FRZB: variants seen among roughly 807,000 people sequenced by gnomAD.
The protein encoded by FRZB is secreted frizzled-related protein 3.
Under a neutral mutation model 32.5 loss-of-function variants are expected in FRZB, and 34 were observed. The ratio of observed to expected loss-of-function variants is 1.05; its 90% CI spans 0.80 to 1.39. The LOEUF (loss-of-function observed/expected upper bound fraction) is 1.39, where lower values mean the gene tolerates loss of function less well. FRZB is among the 40% of genes most tolerant of loss of function. FRZB has a pLI of 0.00. For synonymous variants in FRZB, 170 were observed against 159.2 expected (o/e 1.07, Z -0.51); for missense variants, 423 against 424.8 (o/e 1.00, Z 0.04).
chr2:182,844,563 T>C (rs1695620659), intron 2 of FRZB, among the ~76,000 whole-genome samples: 1 of 152,196 alleles, frequency 6.6e-6, no homozygotes, highest in Non-Finnish European at 1.5e-5. Context: ...AAATTACACA[T>C]TTGTAATTCT....
intron 2 of FRZB, among the ~76,000 whole-genome samples, chr2:182,849,797 A>C (rs73040077): frequency 6.6e-6 from 1 of 152,230 alleles, no homozygotes; most frequent in South Asian, 2.1e-4. Flanking sequence ...GAAAATTTCA[A>C]ATAAACTGCC....
rs977930442 is a variant in FRZB, at chr2:182,846,725, T to G, written c.527-4182A>C. On this transcript the variant is annotated intron_variant, in intron 2 of 5. Coordinates refer to ENST00000295113, the MANE Select transcript of FRZB (RefSeq NM_001463.4). ...TTTAAAAGATATAAAAAATAAAATTTTATAATTTGAAGATCCAGGTCCTTA... is the reference window on the plus strand; with the variant it reads ...TTTAAAAGATATAAAAAATAAAATTGTATAATTTGAAGATCCAGGTCCTTA... Among the ~76,000 whole-genome samples, 3 of 152,320 alleles carry G rather than the reference T, an allele frequency of 2.0e-5. No homozygotes were observed. In the South Asian group the frequency reaches 6.2e-4, roughly 32 times the overall value.
chr2:182,853,198 T>C (rs780554951), intron 2 of FRZB, among the ~76,000 whole-genome samples: 1 of 152,214 alleles, frequency 6.6e-6, no homozygotes, highest in Non-Finnish European at 1.5e-5. Flanking sequence ...TGGAAAACAT[T>C]TTTAAAAGAC....
chr2:182,847,792 C>G (rs1292702396), intron 2 of FRZB, among the ~76,000 whole-genome samples: 2 of 152,036 alleles, frequency 1.3e-5, no homozygotes, highest in Non-Finnish European at 2.9e-5. Flanking sequence ...AAAGGCAAAC[C>G]TTATAGTGGG....
At chr2:182,851,662 AC>A (rs1211788580) in intron 2 of FRZB, among the ~76,000 whole-genome samples, 3 of 152,254 alleles carry the variant, frequency 2.0e-5, no homozygotes, top group South Asian at 2.1e-4. Flanking sequence ...TCTCAAAAAA[AC>A]AAAACAAAAC....
chr2:182,838,429 A>T lies in FRZB; in HGVS notation c.777T>A (p.Tyr259Ter), dbSNP rs1461052783. 1.1e-5 allele frequency: 17 copies of T among 1,612,066 alleles called. No individual in the cohort carries two copies. Among genetic ancestry groups the T allele is most frequent in the Non-Finnish European group, 1.4e-5 (17 of 1,178,572 alleles). ...NVNEEYIIMG[Y>*]EDEERSRLLL... is the part of the protein sequence containing the mutation. ...ATTACCTGGAACGTTCCTCATCTTC[A>T]TAGCCCATGATGATATATTCCTCAT... The change falls in exon 4 of 6, where the codon TAT becomes TAA. Residue 259 changes from tyrosine (Y) to a stop codon, truncating the protein, a stop_gained. Coordinates refer to ENST00000295113, the MANE Select transcript of FRZB (RefSeq NM_001463.4). LOFTEE classifies it high-confidence loss of function.
chr2:182,866,287 C>G lies in FRZB; in HGVS notation c.266G>C (p.Cys89Ser), dbSNP rs773341229. ...GGTGCAGATGGGCGCGTACATGGCA[C>G]AGAGGAAGAAGAGCAGATCGGGGCT... ...HCSPDLLFFL[C>S]AMYAPICTID... The change falls in exon 1 of 6, where the codon TGT becomes TCT. Residue 89 changes from cysteine to serine, a missense_variant. By Grantham distance (112) the Cys-to-Ser change is moderately radical (BLOSUM62 -1). Transcript: ENST00000295113. The surrounding 1 kb of genome is among the most constrained non-coding windows in gnomAD (Gnocchi z 4.5). 1.9e-6 allele frequency: 3 copies of G among 1,614,212 alleles called. No individual in the cohort carries two copies. The East Asian group carries it at 6.7e-5, about 36-fold the overall frequency.
rs113466707 is a variant in FRZB, at chr2:182,842,846, G to A, written c.527-303C>T. On this transcript the variant is annotated intron_variant, in intron 2 of 5. Coordinates refer to ENST00000295113, the MANE Select transcript of FRZB (RefSeq NM_001463.4). ...AGCATGACCCCTTAATCCTGAAAGA[G>A]GTATGCTTTATGCTTATGGAAGTAT... Among the ~76,000 whole-genome samples, 6 of 152,296 alleles carry A rather than the reference G, an allele frequency of 3.9e-5. 1 individual carries two copies. The highest frequency in any genetic ancestry group is 1.4e-4 in the African/African-American group (6 of 41,572).
At chr2:182,844,763 A>G (rs973808112) in intron 2 of FRZB, among the ~76,000 whole-genome samples, 1 of 152,200 alleles carries the variant, frequency 6.6e-6, no homozygotes. Context: ...TATTTCAAGT[A>G]GGCATTTACA....
intron 2 of FRZB, among the ~76,000 whole-genome samples, chr2:182,849,597 C>T (rs988997810): frequency 2.6e-5 from 4 of 152,018 alleles, no homozygotes; most frequent in African/African-American, 9.7e-5. Context: ...TGAACCTAGG[C>T]GATATAACAA....
At chr2:182,860,966 A>T (rs1489773895) in intron 1 of FRZB, among the ~76,000 whole-genome samples, 1 of 152,062 alleles carries the variant, frequency 6.6e-6, no homozygotes, top group Non-Finnish European at 1.5e-5. Flanking sequence ...CAAGTGCATG[A>T]CTATGGGGAA....
chr2:182,866,085 C>A lies in FRZB; in HGVS notation c.468G>T (p.Ala156=). The A allele has an allele frequency of 1.9e-6, 3 of 1,608,906 alleles. No individual in the cohort carries two copies. The highest frequency in any genetic ancestry group is 2.6e-6 in the Non-Finnish European group (3 of 1,176,194). The change falls in exon 1 of 6, where the codon GCG becomes GCT. Residue 156 remains alanine (A), a synonymous_variant. Transcript: ENST00000295113. This position sits in a 1 kb window ranked among gnomAD's most constrained non-coding sequence, Gnocchi z 4.5. ...CGTGTCAAAACTCACCAGCTCCGTC[C>A]GCAGTAACGATGGCCTCGGGAGAGA... ...VCISPEAIVT[A]DGADFPMDSS...
chr2:182,842,850 T>C (rs1221114026), intron 2 of FRZB, among the ~76,000 whole-genome samples: 1 of 152,224 alleles, frequency 6.6e-6, no homozygotes, highest in Non-Finnish European at 1.5e-5. Context: ...GAAAGAGGTA[T>C]GCTTTATGCT....
intron 2 of FRZB, among the ~76,000 whole-genome samples, chr2:182,851,682 A>G (rs1695712268): frequency 6.6e-6 from 1 of 151,348 alleles, no homozygotes; most frequent in Admixed American, 6.6e-5. Flanking sequence ...ACAAAAAACA[A>G]AAAAAAAACA....
chr2:182,849,097 A>G (rs825529), intron 2 of FRZB, among the ~76,000 whole-genome samples: 90,794 of 151,750 alleles, frequency 0.6, 27,535 homozygotes, highest in African/African-American at 0.66. Flanking sequence ...CGTGGTGGCA[A>G]GTGCCTGTAG....
chr2:182,852,365 C>T (rs933152991), intron 2 of FRZB, among the ~76,000 whole-genome samples: 19 of 152,096 alleles, frequency 1.2e-4, no homozygotes, highest in Admixed American at 7.9e-4. Context: ...TTTGGAACAG[C>T]GCCAAGAGCA....
chr2:182,842,452 T>C, intron 3 of FRZB, 26 bp downstream of exon 3: 1 of 1,560,102 alleles, frequency 6.4e-7, no homozygotes, highest in Non-Finnish European at 8.8e-7. Flanking sequence ...CAGCAGTTTA[T>C]ACATCAACCA....
chr2:182,856,065 T>C (rs574767768), intron 2 of FRZB, among the ~76,000 whole-genome samples: 45 of 152,012 alleles, frequency 3.0e-4, no homozygotes, highest in Non-Finnish European at 6.3e-4. Flanking sequence ...GAAGGTGAAA[T>C]GAGAATATTT....
At position 182,833,985 on chromosome 2, in the gene FRZB, T is replaced by C. The variant is rs1323444099; in HGVS notation, c.*864A>G. The C allele has an allele frequency of 6.7e-6, 1 of 150,070 alleles. No individual in the cohort carries two copies. Among genetic ancestry groups the C allele is most frequent in the African/African-American group, 2.5e-5 (1 of 39,680 alleles). 9.3% of individuals were successfully genotyped at this position (150,070 alleles called of 1,614,324 possible). On this transcript the variant is annotated 3_prime_UTR_variant, in exon 6 of 6. Transcript: ENST00000295113. ...CCTGGTCAATACGGCAATTCTGATT[T>C]ATTTTAAAAGAAGAGAAAAAAAAAG...
Sources: allele counts gnomAD v4.1 joint callset (sites outside exome capture counted in the v4.1 genomes callset), GRCh38; gene constraint gnomAD v4.1.1; non-coding constraint Gnocchi (gnomAD v3.1); transcripts MANE v1.5; gene names NCBI Gene and HGNC (gene_info 2026-07-23, HGNC 2026-07-21).